The following GALNTL6 variants were observed in gnomAD, a reference collection of about 807,000 sequenced individuals.
GALNTL6 encodes the protein polypeptide N-acetylgalactosaminyltransferase-like 6.
A neutral mutation model predicts 73.7 loss-of-function variants in GALNTL6; 46 were observed. That is an observed-to-expected ratio of 0.62 (90% CI 0.49 to 0.80). The LOEUF is 0.80. Among genes scored for constraint, GALNTL6 ranks in the 30% least tolerant of loss-of-function variants. The probability of loss-of-function intolerance (pLI) is 0.00; values close to 1 mark genes in which losing one functional copy is unlikely to be tolerated. For synonymous variants in GALNTL6, 259 were observed against 263.7 expected (o/e 0.98, Z 0.17); for missense variants, 604 against 755.0 (o/e 0.80, Z 2.34).
chr4:172,315,755 C>A (rs1054835436), intron 4 of GALNTL6, among the ~76,000 whole-genome samples: 1 of 151,738 alleles, frequency 6.6e-6, no homozygotes, highest in African/African-American at 2.4e-5. Flanking sequence ...GACAAATGTC[C>A]AGTCAATGGA....
chr4:171,947,799 G>A (rs1317207701), intron 2 of GALNTL6, among the ~76,000 whole-genome samples: 1 of 152,146 alleles, frequency 6.6e-6, no homozygotes, highest in African/African-American at 2.4e-5. Context: ...AATATGTACT[G>A]GAGTTTGAGT....
intron 4 of GALNTL6, among the ~76,000 whole-genome samples, chr4:172,346,114 T>C (rs1377699869): frequency 6.6e-6 from 1 of 152,214 alleles, no homozygotes; most frequent in East Asian, 1.9e-4. Context: ...TAAGGAGACA[T>C]TGATGTGCCA....
chr4:172,468,068 T>C (rs1426207787), intron 5 of GALNTL6, among the ~76,000 whole-genome samples: 1 of 151,962 alleles, frequency 6.6e-6, no homozygotes, highest in Non-Finnish European at 1.5e-5. Flanking sequence ...ATTTATCTAC[T>C]TTTTGTAGAG....
At chr4:172,071,840 A>G (rs1731541211) in intron 2 of GALNTL6, among the ~76,000 whole-genome samples, 1 of 152,214 alleles carries the variant, frequency 6.6e-6, no homozygotes, top group South Asian at 2.1e-4. Context: ...GCATAAGAAA[A>G]CTAAAGGCAG....
chr4:172,369,818 C>T (rs1742723075), intron 5 of GALNTL6, among the ~76,000 whole-genome samples: 1 of 152,158 alleles, frequency 6.6e-6, no homozygotes, highest in Non-Finnish European at 1.5e-5. Context: ...TGCACGAGCA[C>T]CTCATGCAGC....
intron 2 of GALNTL6, among the ~76,000 whole-genome samples, chr4:171,932,140 T>C (rs1476150678): frequency 6.6e-6 from 1 of 152,148 alleles, no homozygotes; most frequent in East Asian, 1.9e-4. Flanking sequence ...TTAAATAATA[T>C]TTTAGAAAAA....
intron 5 of GALNTL6, among the ~76,000 whole-genome samples, chr4:172,697,377 G>A (rs2111277563): frequency 6.6e-6 from 1 of 152,288 alleles, no homozygotes; most frequent in East Asian, 1.9e-4. Context: ...TGGATGACAA[G>A]CAGCGGAGAT....
intron 5 of GALNTL6, among the ~76,000 whole-genome samples, chr4:172,663,664 C>T (rs965775590): frequency 6.6e-6 from 1 of 152,224 alleles, no homozygotes; most frequent in African/African-American, 2.4e-5. Context: ...CGTAGTGGCT[C>T]ACGCCTATAA....
chr4:172,405,357 C>T (rs909530555), intron 5 of GALNTL6, among the ~76,000 whole-genome samples: 3 of 145,136 alleles, frequency 2.1e-5, no homozygotes, highest in Non-Finnish European at 4.5e-5. Context: ...ATACTTAATA[C>T]TCATATATAA....
intron 2 of GALNTL6, among the ~76,000 whole-genome samples, chr4:171,946,856 G>A (rs1037624205): frequency 3.9e-5 from 6 of 152,014 alleles, no homozygotes; most frequent in Admixed American, 1.3e-4. Context: ...AACAACTCCA[G>A]AGTGTAGGGC....
At chr4:172,653,489 G>A (rs1467128161) in intron 5 of GALNTL6, among the ~76,000 whole-genome samples, 1 of 152,112 alleles carries the variant, frequency 6.6e-6, no homozygotes, top group Non-Finnish European at 1.5e-5. Context: ...CCAAAGTGCT[G>A]GGATTACAGG....
chr4:172,997,621 A>G (rs1254512543), intron 10 of GALNTL6, among the ~76,000 whole-genome samples: 1 of 152,062 alleles, frequency 6.6e-6, no homozygotes, highest in African/African-American at 2.4e-5. Context: ...CTATTTTGTG[A>G]TAATAGACTG....
At chr4:172,360,165 C>G (rs1460077693) in intron 5 of GALNTL6, among the ~76,000 whole-genome samples, 1 of 152,152 alleles carries the variant, frequency 6.6e-6, no homozygotes, top group African/African-American at 2.4e-5. Context: ...AGCAAAGATT[C>G]AGGGATATAT....
chr4:173,040,953 AC>A lies in GALNTL6; in HGVS notation c.*854del, dbSNP rs1437732209. 1 of 152,530 alleles carries A rather than the reference AC, an allele frequency of 6.6e-6. No individual in the cohort carries two copies. The highest frequency in any genetic ancestry group is 2.4e-5 in the African/African-American group (1 of 41,456). 9.4% of individuals were successfully genotyped at this position (152,530 alleles called of 1,614,324 possible). A position where few individuals can be genotyped will look rare whatever the true frequency, so the allele number is the denominator to read the frequency against. ...GGACTTCCCTGGGAAATCTATTTTT[AC>A]TTTTCTATTATTTTTAAAATCTTAA... On this transcript the variant is annotated 3_prime_UTR_variant, in exon 13 of 13. Transcript: ENST00000506823.
At chr4:172,966,795 C>A (rs1433337134) in intron 10 of GALNTL6, among the ~76,000 whole-genome samples, 3 of 152,214 alleles carry the variant, frequency 2.0e-5, no homozygotes, top group Non-Finnish European at 4.4e-5. Flanking sequence ...AGCCAATATT[C>A]CTCTAAGTGT....
chr4:172,378,530 T>C, intron 5 of GALNTL6, among the ~76,000 whole-genome samples: 1 of 152,150 alleles, frequency 6.6e-6, no homozygotes, highest in East Asian at 1.9e-4. Context: ...ATACCAGTGA[T>C]TTGATGGAAT....
chr4:172,781,467 T>C (rs1184519867), intron 5 of GALNTL6, among the ~76,000 whole-genome samples: 1 of 152,122 alleles, frequency 6.6e-6, no homozygotes, highest in East Asian at 1.9e-4. Flanking sequence ...TCCAGATCGG[T>C]GCATTTTTTT....
chr4:172,341,450 CAAAAAAAAAAAAAA>C (rs4048503), intron 4 of GALNTL6, among the ~76,000 whole-genome samples: 1 of 118,020 alleles, frequency 8.5e-6, no homozygotes, highest in African/African-American at 4.0e-5. Flanking sequence ...GACTCCGTCT[CAAAAAAAAAAAAAA>C]AAAAAAAAAA....
intron 2 of GALNTL6, among the ~76,000 whole-genome samples, chr4:172,064,013 T>A (rs191995308): frequency 6.6e-6 from 1 of 152,336 alleles, no homozygotes; most frequent in East Asian, 1.9e-4. Context: ...TATTTCATTT[T>A]CTTCATTGAC....
Sources: allele counts gnomAD v4.1 joint callset (sites outside exome capture counted in the v4.1 genomes callset), GRCh38; gene constraint gnomAD v4.1.1; transcripts MANE v1.5; gene names NCBI Gene and HGNC (gene_info 2026-07-23, HGNC 2026-07-21).